AGBL4: variants seen among roughly 807,000 people sequenced by gnomAD.
AGBL4 encodes the protein cytosolic carboxypeptidase 6.
A neutral mutation model predicts 66.4 loss-of-function variants in AGBL4; 58 were observed. The ratio of observed to expected loss-of-function variants is 0.87; its 90% CI spans 0.71 to 1.09. The LOEUF is 1.09. Ranked by LOEUF, AGBL4 falls within the 50% of genes least tolerant of loss-of-function variation. The probability of loss-of-function intolerance (pLI) is 0.00; values close to 1 mark genes in which losing one functional copy is unlikely to be tolerated. For synonymous variants in AGBL4, 234 were observed against 222.9 expected (o/e 1.05, Z -0.44); for missense variants, 579 against 631.0 (o/e 0.92, Z 0.88).
At chr1:49,980,267 A>C (rs1290344841) in intron 1 of AGBL4, among the ~76,000 whole-genome samples, 2 of 152,192 alleles carry the variant, frequency 1.3e-5, no homozygotes, top group Non-Finnish European at 2.9e-5. Flanking sequence ...AACACATAGC[A>C]TAAAATTTCA....
At chr1:48,814,368 CAT>C (rs10611375) in intron 6 of AGBL4, among the ~76,000 whole-genome samples, 124,164 of 151,906 alleles carry the variant, frequency 0.82, 53,491 homozygotes, top group Non-Finnish European at 0.96. Flanking sequence ...TCATGGGAAA[CAT>C]AGTGATATTT....
chr1:49,033,889 G>T (rs971199502), intron 5 of AGBL4, among the ~76,000 whole-genome samples: 4 of 151,032 alleles, frequency 2.6e-5, no homozygotes, highest in Non-Finnish European at 4.4e-5. Context: ...TCAAGACAGG[G>T]CTTTCAGAAT....
At chr1:49,479,331 G>A (rs1443189796) in intron 3 of AGBL4, among the ~76,000 whole-genome samples, 1 of 151,738 alleles carries the variant, frequency 6.6e-6, no homozygotes, top group East Asian at 1.9e-4. Flanking sequence ...GGGTACATGT[G>A]CAGTATGTGC....
At chr1:49,835,871 C>A (rs571167998) in intron 2 of AGBL4, among the ~76,000 whole-genome samples, 1 of 152,224 alleles carries the variant, frequency 6.6e-6, no homozygotes, top group Admixed American at 6.5e-5. Flanking sequence ...GTTAAAAATT[C>A]TTTTCTTTAA....
At chr1:48,564,733 C>T (rs574172077) in intron 11 of AGBL4, among the ~76,000 whole-genome samples, 4 of 152,268 alleles carry the variant, frequency 2.6e-5, no homozygotes, top group South Asian at 2.1e-4. Context: ...GTAAATGCCA[C>T]GCTCAAAAAC....
At position 49,752,059 on chromosome 1, in the gene AGBL4, C is replaced by T. The variant is rs189160022; in HGVS notation, c.158-54622G>A. Among the ~76,000 whole-genome samples the T allele has an allele frequency of 6.0e-3, 895 of 150,266 alleles. 10 individuals are homozygous for T. The highest frequency in any genetic ancestry group is 0.021 in the African/African-American group (853 of 40,972). Reference sequence around the variant, plus strand: ...TTCACTGATTTTTTGAAGGGTTTTTCGTGTCTCTATCCCCTTCAGTTCTGC... The same window carrying T: ...TTCACTGATTTTTTGAAGGGTTTTTTGTGTCTCTATCCCCTTCAGTTCTGC... On this transcript the variant is annotated intron_variant, in intron 2 of 13. Coordinates refer to ENST00000371839, the MANE Select transcript of AGBL4 (RefSeq NM_032785.4).
At chr1:49,411,961 G>T (rs759092171) in intron 3 of AGBL4, among the ~76,000 whole-genome samples, 6 of 152,058 alleles carry the variant, frequency 3.9e-5, no homozygotes, top group Non-Finnish European at 8.8e-5. Flanking sequence ...TGTTACAATG[G>T]TAAATTATAT....
chr1:49,780,269 A>T (rs1051756976), intron 2 of AGBL4, among the ~76,000 whole-genome samples: 7 of 152,150 alleles, frequency 4.6e-5, no homozygotes, highest in Non-Finnish European at 1.5e-5. Context: ...AGCAATTTTT[A>T]AAAACGTGTA....
At chr1:48,975,545 G>C (rs1456828561) in intron 5 of AGBL4, among the ~76,000 whole-genome samples, 5 of 152,212 alleles carry the variant, frequency 3.3e-5, no homozygotes, top group Non-Finnish European at 5.9e-5. Flanking sequence ...CCCCGATAAA[G>C]ATGAAACATC....
intron 3 of AGBL4, among the ~76,000 whole-genome samples, chr1:49,676,130 G>A (rs1025372490): frequency 6.6e-6 from 1 of 151,910 alleles, no homozygotes; most frequent in South Asian, 2.1e-4. Context: ...AGGTAAAATG[G>A]TTTACCTGAG....
At chr1:49,619,114 G>A (rs904453974) in intron 3 of AGBL4, among the ~76,000 whole-genome samples, 2 of 152,132 alleles carry the variant, frequency 1.3e-5, no homozygotes, top group Non-Finnish European at 2.9e-5. Context: ...GGAAGTTCTG[G>A]TCAGGGCAAT....
At chr1:49,162,631 A>G (rs1187137419) in intron 4 of AGBL4, among the ~76,000 whole-genome samples, 2 of 152,182 alleles carry the variant, frequency 1.3e-5, no homozygotes, top group African/African-American at 4.8e-5. Context: ...TAATAAGCTT[A>G]TCCTTTCTAC....
At chr1:48,906,729 G>A (rs546034959) in intron 5 of AGBL4, among the ~76,000 whole-genome samples, 2 of 152,282 alleles carry the variant, frequency 1.3e-5, no homozygotes, top group African/African-American at 4.8e-5. Flanking sequence ...GTTATTTCCT[G>A]TCATGAAAAC....
At chr1:49,533,831 T>A (rs1224938437) in intron 3 of AGBL4, among the ~76,000 whole-genome samples, 4 of 152,088 alleles carry the variant, frequency 2.6e-5, no homozygotes. Flanking sequence ...GACCTTGGAT[T>A]TGAACATATT....
intron 3 of AGBL4, among the ~76,000 whole-genome samples, chr1:49,298,211 T>C (rs879787168): frequency 9.9e-5 from 15 of 152,198 alleles, no homozygotes; most frequent in Admixed American, 8.5e-4. Context: ...TTTTTATTTC[T>C]GTAGAGAATG....
intron 3 of AGBL4, among the ~76,000 whole-genome samples, chr1:49,258,895 G>T (rs1652820144): frequency 6.6e-6 from 1 of 152,120 alleles, no homozygotes; most frequent in African/African-American, 2.4e-5. Context: ...AATCTTAAGG[G>T]CAGCCAGAGA....
chr1:48,541,641 T>C (rs1271506481), intron 11 of AGBL4, among the ~76,000 whole-genome samples: 1 of 152,092 alleles, frequency 6.6e-6, no homozygotes, highest in Non-Finnish European at 1.5e-5. Context: ...TTGGGGCGCA[T>C]GCCTGTAATC....
intron 3 of AGBL4, among the ~76,000 whole-genome samples, chr1:49,516,242 C>A (rs910941914): frequency 6.6e-6 from 1 of 151,866 alleles, no homozygotes; most frequent in Non-Finnish European, 1.5e-5. Context: ...AATACACATG[C>A]AATTATACTA....
At chr1:49,024,679 G>T (rs1483242676) in intron 5 of AGBL4, among the ~76,000 whole-genome samples, 1 of 152,136 alleles carries the variant, frequency 6.6e-6, no homozygotes, top group Non-Finnish European at 1.5e-5. Context: ...ATAAATGTTA[G>T]CTGGTTTAAT....
Sources: gnomAD v4.1 joint callset for allele counts (sites outside exome capture counted in the v4.1 genomes callset) on GRCh38, gnomAD v4.1.1 for gene constraint, MANE v1.5 for transcripts, NCBI Gene and HGNC (gene_info 2026-07-23, HGNC 2026-07-21) for gene names.